The following ASTN2 variants were observed in gnomAD, a reference collection of about 807,000 sequenced individuals.
The protein encoded by ASTN2 is astrotactin-2.
Under a neutral mutation model 139.8 loss-of-function variants are expected in ASTN2, and 54 were observed. The observed-to-expected ratio is 0.39, with a 90% CI of 0.31 to 0.48. The LOEUF (loss-of-function observed/expected upper bound fraction) is 0.48, where lower values mean the gene tolerates loss of function less well. ASTN2 is among the 20% of genes least tolerant of loss of function. ASTN2 has a pLI of 0.95. For missense variants in ASTN2, 1,565 were observed against 1,725.1 expected (o/e 0.91, Z 1.64); for synonymous variants, 756 against 719.5 (o/e 1.05, Z -0.81).
chr9:116,740,995 C>T (rs1472756386), intron 13 of ASTN2, among the ~76,000 whole-genome samples: 2 of 151,890 alleles, frequency 1.3e-5, no homozygotes, highest in South Asian at 4.2e-4. Context: ...CTGCATATGA[C>T]CTCTAAATGA....
intron 16 of ASTN2, among the ~76,000 whole-genome samples, chr9:116,711,809 T>C (rs1254200961): frequency 6.6e-6 from 1 of 152,144 alleles, no homozygotes; most frequent in Non-Finnish European, 1.5e-5. Flanking sequence ...TAATTTTTTT[T>C]CTGAATCCTC....
chr9:116,977,829 G>GTC (rs898075008), intron 7 of ASTN2, among the ~76,000 whole-genome samples: 14 of 148,052 alleles, frequency 9.5e-5, no homozygotes, highest in African/African-American at 3.5e-4. Context: ...TGATTCTCCC[G>GTC]TCTCAGCCTC....
At chr9:116,900,898 G>C (rs1833991723) in intron 10 of ASTN2, among the ~76,000 whole-genome samples, 1 of 152,118 alleles carries the variant, frequency 6.6e-6, no homozygotes, top group Admixed American at 6.5e-5. Flanking sequence ...TTTGCCATAA[G>C]CTTCTCCCGG....
At chr9:117,109,357 A>AATAAATATAT (rs201829882) in intron 4 of ASTN2, among the ~76,000 whole-genome samples, 1 of 105,252 alleles carries the variant, frequency 9.5e-6, no homozygotes, top group East Asian at 2.4e-4. Flanking sequence ...TAAATAAATA[A>AATAAATATAT]AAATAAATAA....
chr9:116,605,542 T>C (rs1296926038), intron 19 of ASTN2, among the ~76,000 whole-genome samples: 1 of 152,198 alleles, frequency 6.6e-6, no homozygotes, highest in African/African-American at 2.4e-5. Context: ...AGGTGTGACC[T>C]ATCCCTTCTT....
In ASTN2 at chr9:116,487,504, G is replaced by C. The variant is rs201974916; in HGVS notation, c.3356-4C>G. ...TCAGCAAAACTCAGGAATTCTCCTGGAGGGAGAAAAAGAAAGATGAGCTCC... is the reference window on the plus strand; with the variant it reads ...TCAGCAAAACTCAGGAATTCTCCTGCAGGGAGAAAAAGAAAGATGAGCTCC... On this transcript the variant is annotated splice_region_variant and splice_polypyrimidine_tract_variant and intron_variant, in intron 19 of 22. Transcript: ENST00000313400. 1.2e-6 allele frequency: 2 copies of C among 1,613,090 alleles called. No homozygotes were observed. The highest frequency in any genetic ancestry group is 1.7e-6 in the Non-Finnish European group (2 of 1,179,686).
chr9:117,071,068 T>C (rs1828107463), intron 5 of ASTN2, among the ~76,000 whole-genome samples: 1 of 148,906 alleles, frequency 6.7e-6, no homozygotes, highest in Non-Finnish European at 1.5e-5. Context: ...TGCGTTCCTT[T>C]GGAGGAGGAG....
At position 116,427,840 on chromosome 9, in the gene ASTN2, C is replaced by G. The variant is rs10983151; in HGVS notation, c.3783-1752G>C. ...CTTTCCCCTCGGGCAAGTGCCCCCC[C>G]CAAGAGGAGCCTGAGGAGTTTCTTT... On this transcript the variant is annotated intron_variant, in intron 22 of 22. Transcript: ENST00000313400. Among the ~76,000 whole-genome samples the G allele has an allele frequency of 0.013, 2,006 of 152,352 alleles. 180 individuals are homozygous for G. In the South Asian group the frequency reaches 0.2, roughly 16 times the overall value.
At chr9:116,565,428 TA>T (rs1191215692) in intron 19 of ASTN2, among the ~76,000 whole-genome samples, 2 of 122,302 alleles carry the variant, frequency 1.6e-5, no homozygotes, top group Admixed American at 8.3e-5. Flanking sequence ...TATATATATA[TA>T]TTTATTTATT....
chr9:116,810,618 G>A (rs574175122), intron 12 of ASTN2, among the ~76,000 whole-genome samples: 40 of 152,178 alleles, frequency 2.6e-4, no homozygotes, highest in Non-Finnish European at 5.0e-4. Flanking sequence ...TGCATCCTAC[G>A]AACATAAAGA....
At chr9:116,817,482 A>G (rs150527835) in intron 12 of ASTN2, among the ~76,000 whole-genome samples, 109 of 152,254 alleles carry the variant, frequency 7.2e-4, no homozygotes, top group African/African-American at 2.6e-3. Flanking sequence ...ACAAAGGAGA[A>G]AGAGACAGGA....
intron 1 of ASTN2, among the ~76,000 whole-genome samples, chr9:117,346,806 T>G (rs575047954): frequency 6.0e-4 from 91 of 152,266 alleles, no homozygotes; most frequent in African/African-American, 2.1e-3. Context: ...ATCCTATCAC[T>G]GCTAACCTCA....
At chr9:116,573,456 T>G (rs1454799429) in intron 19 of ASTN2, among the ~76,000 whole-genome samples, 1 of 152,230 alleles carries the variant, frequency 6.6e-6, no homozygotes, top group African/African-American at 2.4e-5. Flanking sequence ...TCTTATGAAT[T>G]TCTAAGAAAG....
intron 5 of ASTN2, among the ~76,000 whole-genome samples, chr9:117,056,146 C>T (rs907372719): frequency 6.6e-6 from 1 of 152,206 alleles, no homozygotes; most frequent in African/African-American, 2.4e-5. Context: ...AACTTCACTG[C>T]AGTCTCCTTC....
At chr9:117,073,469 C>A (rs992076472) in intron 5 of ASTN2, among the ~76,000 whole-genome samples, 4 of 152,178 alleles carry the variant, frequency 2.6e-5, no homozygotes, top group African/African-American at 9.7e-5. Context: ...CTGGATCCCA[C>A]AACAGCCCAC....
chr9:116,738,211 C>CAT (rs1452668610), intron 13 of ASTN2, among the ~76,000 whole-genome samples: 1 of 146,136 alleles, frequency 6.8e-6, no homozygotes, highest in Non-Finnish European at 1.5e-5. Context: ...AAAAAGACTA[C>CAT]ATATTGGGGC....
chr9:117,147,493 C>T (rs1332002363), intron 3 of ASTN2, among the ~76,000 whole-genome samples: 10 of 151,716 alleles, frequency 6.6e-5, no homozygotes, highest in African/African-American at 1.5e-4. Flanking sequence ...TCTTCCCCCA[C>T]GCAACCACCC....
chr9:117,309,182 A>C (rs1428784713), intron 1 of ASTN2, among the ~76,000 whole-genome samples: 2 of 152,258 alleles, frequency 1.3e-5, no homozygotes, highest in Admixed American at 1.3e-4. Context: ...ACAGTATTTC[A>C]GCAGCAGAGG....
intron 10 of ASTN2, among the ~76,000 whole-genome samples, chr9:116,910,330 G>A (rs772054432): frequency 1.3e-5 from 2 of 152,008 alleles, no homozygotes; most frequent in Non-Finnish European, 2.9e-5. Context: ...CTGGCATTTC[G>A]GGTCGGATAA....
Sources: gnomAD v4.1 joint callset for allele counts (sites outside exome capture counted in the v4.1 genomes callset) on GRCh38, gnomAD v4.1.1 for gene constraint, MANE v1.5 for transcripts, NCBI Gene and HGNC (gene_info 2026-07-23, HGNC 2026-07-21) for gene names.